The following ITPR2 variants were observed in gnomAD, a reference collection of about 807,000 sequenced individuals.
ITPR2 encodes the protein inositol 1,4,5-trisphosphate-gated calcium channel ITPR2.
In ITPR2, 207 loss-of-function variants were observed where a neutral mutation model predicts 317.1. That is an observed-to-expected ratio of 0.65 (90% CI 0.58 to 0.73). The LOEUF (loss-of-function observed/expected upper bound fraction) is 0.73. Ranked by LOEUF, ITPR2 falls within the 30% of genes least tolerant of loss-of-function variation. The pLI is 0.00. For missense variants in ITPR2, 2,613 were observed against 3,284.0 expected (o/e 0.80, Z 4.99); for synonymous variants, 1,156 against 1,149.1 (o/e 1.01, Z -0.12).
At chr12:26,790,586 T>TACACACACACACACACACACACAC (rs10527860) in intron 1 of ITPR2, among the ~76,000 whole-genome samples, 14 of 147,818 alleles carry the variant, frequency 9.5e-5, no homozygotes, top group East Asian at 2.0e-4. Flanking sequence ...CATATATGCT[T>TACACACACACACACACACACACAC]ACACACACAC....
intron 2 of ITPR2, among the ~76,000 whole-genome samples, chr12:26,772,443 ATATATATTATATATATAATACATGTAT>A (rs1219419896): frequency 2.4e-4 from 23 of 95,872 alleles, no homozygotes; most frequent in East Asian, 2.1e-3. Flanking sequence ...TACATGTATT[ATATATATTATATATATAATACATGTAT>A]TATATATAAT....
intron 39 of ITPR2, 175 bp downstream of exon 39, chr12:26,493,978 G>A (rs1390922273): frequency 2.0e-6 from 1 of 503,010 alleles, no homozygotes; most frequent in African/African-American, 2.0e-5. Context: ...AATAAATTGT[G>A]AAGCTCTGTA....
intron 26 of ITPR2, among the ~76,000 whole-genome samples, chr12:26,614,497 C>A (rs760811793): frequency 7.9e-5 from 12 of 152,172 alleles, no homozygotes; most frequent in Non-Finnish European, 1.6e-4. Context: ...TCAAAAGATA[C>A]GAGCTCAAAA....
chr12:26,590,131 C>A (rs1945663338), intron 32 of ITPR2, among the ~76,000 whole-genome samples: 1 of 151,972 alleles, frequency 6.6e-6, no homozygotes, highest in Non-Finnish European at 1.5e-5. Flanking sequence ...GGGAAAAGCA[C>A]TGAATGATGC....
At chr12:26,451,407 A>G (rs984590587) in intron 45 of ITPR2, among the ~76,000 whole-genome samples, 1 of 144,388 alleles carries the variant, frequency 6.9e-6, no homozygotes, top group Non-Finnish European at 1.6e-5. Context: ...ACACACACAC[A>G]CGGAAAGTAA....
chr12:26,656,951 T>C (rs1461074002), intron 18 of ITPR2, among the ~76,000 whole-genome samples: 1 of 152,148 alleles, frequency 6.6e-6, no homozygotes, highest in Non-Finnish European at 1.5e-5. Context: ...TTTGCCCCAC[T>C]CAGTTCCCAA....
At chr12:26,429,350 T>G (rs1941147277) in intron 48 of ITPR2, among the ~76,000 whole-genome samples, 1 of 152,170 alleles carries the variant, frequency 6.6e-6, no homozygotes. Context: ...TCACCAAATT[T>G]ATAATCTGAT....
At chr12:26,582,195 T>G (rs1430487435) in intron 32 of ITPR2, among the ~76,000 whole-genome samples, 1 of 152,174 alleles carries the variant, frequency 6.6e-6, no homozygotes, top group Non-Finnish European at 1.5e-5. Flanking sequence ...TATAATATCA[T>G]GGACAGCCAA....
intron 9 of ITPR2, among the ~76,000 whole-genome samples, chr12:26,701,064 G>A (rs1047040475): frequency 1.3e-5 from 2 of 152,178 alleles, no homozygotes; most frequent in Non-Finnish European, 2.9e-5. Context: ...AGAATACAGA[G>A]ACCCATTACT....
chr12:26,660,556 G>A (rs1449566), intron 15 of ITPR2, among the ~76,000 whole-genome samples: 20,114 of 152,176 alleles, frequency 0.13, 1,773 homozygotes, highest in Non-Finnish European at 0.2. Flanking sequence ...AAATTTACTG[G>A]AATGTACCTA....
intron 13 of ITPR2, among the ~76,000 whole-genome samples, chr12:26,677,023 G>A (rs887978689): frequency 6.6e-6 from 1 of 151,910 alleles, no homozygotes; most frequent in African/African-American, 2.4e-5. Flanking sequence ...ATGGGAGGGG[G>A]AAAATAATAG....
chr12:26,746,822 A>ATGTGTG lies in ITPR2; in HGVS notation c.164-21063_164-21058dup, dbSNP rs34449902. Among the ~76,000 whole-genome samples the ATGTGTG allele has an allele frequency of 2.7e-3, 401 of 147,752 alleles. 3 individuals carry two copies. Among genetic ancestry groups the ATGTGTG allele is most frequent in the East Asian group, 0.017 (84 of 5,040 alleles). ...GTGTTCTCTTATCAGGGGTGCATGC[A>ATGTGTG]TGTGTGTGTGTGTGTGTGTGTGTGT... On this transcript the variant is annotated intron_variant, in intron 2 of 56. Transcript: ENST00000381340.
intron 37 of ITPR2, among the ~76,000 whole-genome samples, chr12:26,535,561 A>C (rs1193168488): frequency 1.3e-5 from 2 of 152,250 alleles, no homozygotes; most frequent in African/African-American, 4.8e-5. Context: ...TCACAGAAAG[A>C]AGAAACAGTT....
chr12:26,690,291 T>G (rs1478618932), intron 10 of ITPR2, among the ~76,000 whole-genome samples: 1 of 152,228 alleles, frequency 6.6e-6, no homozygotes, highest in African/African-American at 2.4e-5. Flanking sequence ...AAGATCAGCA[T>G]GTAACCCAAA....
chr12:26,444,233 G>A (rs73083274), intron 45 of ITPR2, among the ~76,000 whole-genome samples: 7,295 of 152,104 alleles, frequency 0.048, 363 homozygotes, highest in African/African-American at 0.12. Flanking sequence ...ATTTTAAACT[G>A]CTTGTAGTGG....
chr12:26,693,114 T>C (rs1469520646), intron 10 of ITPR2, among the ~76,000 whole-genome samples: 1 of 152,310 alleles, frequency 6.6e-6, no homozygotes, highest in East Asian at 1.9e-4. Context: ...GAAAAAAAAT[T>C]AAATCAACTG....
At chr12:26,751,789 C>T (rs542513948) in intron 2 of ITPR2, among the ~76,000 whole-genome samples, 3 of 151,968 alleles carry the variant, frequency 2.0e-5, no homozygotes, top group African/African-American at 7.2e-5. Context: ...TCGCTTGAAC[C>T]TGGGAGGCAG....
intron 1 of ITPR2, 62 bp downstream of exon 1, chr12:26,832,628 G>T: frequency 2.3e-6 from 3 of 1,313,136 alleles, no homozygotes; most frequent in Non-Finnish European, 3.2e-6. Flanking sequence ...GCGGAGGAGG[G>T]ACAGGGACTG....
At chr12:26,736,765 C>T (rs1949125575) in intron 2 of ITPR2, among the ~76,000 whole-genome samples, 1 of 152,208 alleles carries the variant, frequency 6.6e-6, no homozygotes, top group Non-Finnish European at 1.5e-5. Context: ...TAGGCTGATT[C>T]ATATTAGACT....
Sources: allele counts gnomAD v4.1 joint callset (sites outside exome capture counted in the v4.1 genomes callset), GRCh38; gene constraint gnomAD v4.1.1; transcripts MANE v1.5; gene names NCBI Gene and HGNC (gene_info 2026-07-23, HGNC 2026-07-21).